Variants in KCNN2 observed in about 807,000 individuals in gnomAD.
KCNN2 encodes the protein potassium calcium-activated channel subfamily N member 2.
A neutral mutation model predicts 55.5 loss-of-function variants in KCNN2; 24 were observed. The ratio of observed to expected loss-of-function variants is 0.43; its 90% CI spans 0.31 to 0.61. The LOEUF (loss-of-function observed/expected upper bound fraction) is 0.61, where lower values mean the gene tolerates loss of function less well. Ranked by LOEUF, KCNN2 falls within the 20% of genes least tolerant of loss-of-function variation. KCNN2 has a pLI of 0.08. For synonymous variants in KCNN2, 431 were observed against 336.1 expected, an observed-to-expected ratio of 1.28 and a Z score of -3.09; for missense variants, 754 against 853.6, an observed-to-expected ratio of 0.88 and a Z score of 1.45.
intron 1 of KCNN2, among the ~76,000 whole-genome samples, chr5:114,138,937 C>T (rs2112501772): frequency 6.6e-6 from 1 of 152,222 alleles, no homozygotes; most frequent in African/African-American, 2.4e-5. Flanking sequence ...CACGTTATGG[C>T]AATTGCACTA....
chr5:114,239,954 T>C (rs1347194256), intron 2 of KCNN2, among the ~76,000 whole-genome samples: 1 of 152,104 alleles, frequency 6.6e-6, no homozygotes, highest in East Asian at 1.9e-4. Flanking sequence ...TTCTAAGCAT[T>C]AAAAAGGTAA....
chr5:114,111,912 C>T (rs1751606111), intron 1 of KCNN2, among the ~76,000 whole-genome samples: 1 of 152,126 alleles, frequency 6.6e-6, no homozygotes, highest in Non-Finnish European at 1.5e-5. Context: ...TTGTGGAAGA[C>T]AGTGTGGTGA....
At chr5:114,446,080 A>G (rs1302617140) in intron 3 of KCNN2, among the ~76,000 whole-genome samples, 1 of 152,214 alleles carries the variant, frequency 6.6e-6, no homozygotes, top group Non-Finnish European at 1.5e-5. Context: ...AGTACTTGGT[A>G]CAGTCTTCCT....
At chr5:114,411,825 C>T (rs990662274) in intron 3 of KCNN2, among the ~76,000 whole-genome samples, 19 of 152,224 alleles carry the variant, frequency 1.2e-4, no homozygotes, top group Non-Finnish European at 7.3e-5. Context: ...CCCTCACAGA[C>T]ACTCAGAAAT....
chr5:114,206,508 T>A (rs1753779201), intron 1 of KCNN2, among the ~76,000 whole-genome samples: 2 of 152,128 alleles, frequency 1.3e-5, no homozygotes, highest in African/African-American at 2.4e-5. Flanking sequence ...TCTCCTCATA[T>A]TTTTTTCAGC....
rs1755610615 is a variant in KCNN2 at position 114,280,930 on chromosome 5, T to C, written c.-185+59365T>C. Among the ~76,000 whole-genome samples the C allele has an allele frequency of 4.6e-5, 7 of 152,172 alleles. No individual in the cohort carries two copies. The South Asian group carries it at 1.4e-3, about 31-fold the overall frequency. ...TGTTCTGTTCTCATTCTTGCCAACC[T>C]GACCTTTTTCTTTTTCCTTGAGCAC... On this transcript the variant is annotated intron_variant, in intron 2 of 10. Coordinates refer to the KCNN2 transcript ENST00000512097.
At chr5:114,160,793 T>C (rs897825242) in intron 1 of KCNN2, among the ~76,000 whole-genome samples, 102 of 149,972 alleles carry the variant, frequency 6.8e-4, no homozygotes, top group Admixed American at 1.3e-3. Flanking sequence ...TTTGTTGGTT[T>C]AAAGTCTGTT....
chr5:114,248,363 T>C (rs1045822912), intron 2 of KCNN2, among the ~76,000 whole-genome samples: 3 of 152,122 alleles, frequency 2.0e-5, no homozygotes, highest in African/African-American at 7.2e-5. Flanking sequence ...AGTTTAGTTA[T>C]TTGGGGGGAA....
At chr5:114,364,033 C>A in intron 2 of KCNN2, 32 bp downstream of exon 2, 1 of 1,480,662 alleles carries the variant, frequency 6.8e-7, no homozygotes, top group Non-Finnish European at 9.4e-7. Flanking sequence ...ATGAATGACC[C>A]AAAGCCCTAC....
intron 2 of KCNN2, among the ~76,000 whole-genome samples, chr5:114,273,869 A>T (rs1027654507): frequency 3.9e-5 from 6 of 152,088 alleles, no homozygotes; most frequent in African/African-American, 1.4e-4. Flanking sequence ...CCCATTTGTC[A>T]ATTTTGGCTT....
At chr5:114,221,178 C>G (rs1754130618) in intron 1 of KCNN2, among the ~76,000 whole-genome samples, 1 of 152,176 alleles carries the variant, frequency 6.6e-6, no homozygotes. Context: ...TTTCAGCCCC[C>G]ACTTGCTTGC....
chr5:114,160,257 A>G (rs559404431), intron 1 of KCNN2, among the ~76,000 whole-genome samples: 2 of 152,250 alleles, frequency 1.3e-5, no homozygotes, highest in East Asian at 3.9e-4. Flanking sequence ...TCATTTCATT[A>G]TGTACGCCAT....
At chr5:114,130,015 G>C (rs558265134) in intron 1 of KCNN2, among the ~76,000 whole-genome samples, 2 of 152,254 alleles carry the variant, frequency 1.3e-5, no homozygotes, top group Admixed American at 6.5e-5. Flanking sequence ...GTGGGGGAGA[G>C]AGCACTGAAT....
intron 1 of KCNN2, among the ~76,000 whole-genome samples, chr5:114,163,211 A>T (rs1443019106): frequency 6.6e-6 from 1 of 152,108 alleles, no homozygotes; most frequent in East Asian, 1.9e-4. Flanking sequence ...GGGGTTTTCT[A>T]GATGTAGGAT....
chr5:114,158,764 A>C (rs1228730421), intron 1 of KCNN2, among the ~76,000 whole-genome samples: 2 of 151,854 alleles, frequency 1.3e-5, no homozygotes, highest in Non-Finnish European at 1.5e-5. Flanking sequence ...TCTTTGAAGC[A>C]ATTGTGAATG....
intron 1 of KCNN2, among the ~76,000 whole-genome samples, chr5:114,213,398 C>CTT (rs1301212417): frequency 3.4e-5 from 5 of 145,962 alleles, no homozygotes; most frequent in African/African-American, 9.9e-5. Flanking sequence ...CTTGGTTTCT[C>CTT]TTTTTTTTTT....
At chr5:114,446,221 G>A (rs1240600560) in intron 3 of KCNN2, among the ~76,000 whole-genome samples, 1 of 152,180 alleles carries the variant, frequency 6.6e-6, no homozygotes, top group African/African-American at 2.4e-5. Flanking sequence ...AATGACAGAA[G>A]CGCATAGAAT....
intron 1 of KCNN2, among the ~76,000 whole-genome samples, chr5:114,105,192 C>G (rs1410891153): frequency 6.6e-6 from 1 of 151,950 alleles, no homozygotes; most frequent in Non-Finnish European, 1.5e-5. Context: ...CTTTGCACAC[C>G]CCGCAGAGCC....
At chr5:114,163,478 T>C (rs955322459) in intron 1 of KCNN2, among the ~76,000 whole-genome samples, 1 of 152,202 alleles carries the variant, frequency 6.6e-6, no homozygotes, top group Non-Finnish European at 1.5e-5. Context: ...ACCTAGTTTA[T>C]TGAGAATTTT....
Sources: allele counts gnomAD v4.1 joint callset (sites outside exome capture counted in the v4.1 genomes callset), GRCh38; gene constraint gnomAD v4.1.1; transcripts MANE v1.5; gene names NCBI Gene and HGNC (gene_info 2026-07-23, HGNC 2026-07-21).